FAM163B: variants seen among roughly 807,000 people sequenced by gnomAD.
FAM163B encodes the protein protein FAM163B.
A neutral mutation model predicts 7.6 loss-of-function variants in FAM163B; 4 were observed. The observed-to-expected ratio is 0.52, with a 90% CI of 0.26 to 1.20. FAM163B has a LOEUF of 1.20. Ranked by LOEUF, FAM163B falls within the 50% of genes most tolerant of loss-of-function variation. FAM163B has a pLI of 0.14. For missense variants in FAM163B, 250 were observed against 243.0 expected, an observed-to-expected ratio of 1.03 and a Z score of -0.19; for synonymous variants, 120 against 111.6, an observed-to-expected ratio of 1.07 and a Z score of -0.47.
chr9:133,604,716 G>A (rs1181335439), intron 1 of FAM163B, among the ~76,000 whole-genome samples: 2 of 152,124 alleles, frequency 1.3e-5, no homozygotes, highest in Non-Finnish European at 2.9e-5. Context: ...GTTACAACAG[G>A]TCTGGGGGCC....
chr9:133,583,187 C>T (rs2131220202), intron 1 of FAM163B, among the ~76,000 whole-genome samples: 1 of 152,178 alleles, frequency 6.6e-6, no homozygotes, highest in East Asian at 1.9e-4. Flanking sequence ...CCACCCTCCA[C>T]TACGGGCCAT....
At position 133,600,685 on chromosome 9, in the gene FAM163B, C is replaced by T. The variant is rs145021315; in HGVS notation, c.-24+8392G>A. 5.6e-3 allele frequency among the ~76,000 whole-genome samples: 845 copies of T among 150,402 alleles called. 6 individuals carry two copies. Among genetic ancestry groups the T allele is most frequent in the African/African-American group, 0.019 (788 of 40,572 alleles). ...AGAGGTTGGTCTAAGCTCCTGGAGT[C>T]GCAGGCTCCCAGAATCTTAAAGCCA... On this transcript the variant is annotated intron_variant, in intron 1 of 2. Coordinates refer to ENST00000673969, the MANE Select transcript of FAM163B (RefSeq NM_001080515.3). This position sits in a 1 kb window ranked among gnomAD's most constrained non-coding sequence, Gnocchi z 4.9.
intron 1 of FAM163B, among the ~76,000 whole-genome samples, chr9:133,588,165 C>T (rs556201635): frequency 6.6e-6 from 1 of 152,168 alleles, no homozygotes; most frequent in East Asian, 1.9e-4. Flanking sequence ...AATTGCAGAC[C>T]CTGTTCAAAA....
At chr9:133,607,869 C>T (rs1157203255) in intron 1 of FAM163B, among the ~76,000 whole-genome samples, 1 of 152,288 alleles carries the variant, frequency 6.6e-6, no homozygotes, top group East Asian at 1.9e-4. Flanking sequence ...AGCTTGCAGT[C>T]AGTGCACCAA....
At chr9:133,585,323 A>G (rs1229122895) in intron 1 of FAM163B, among the ~76,000 whole-genome samples, 2 of 150,738 alleles carry the variant, frequency 1.3e-5, no homozygotes, top group East Asian at 3.9e-4. Context: ...CTGGCAGGAG[A>G]CCCCCTGCTA....
chr9:133,596,063 G>A (rs555108769), intron 1 of FAM163B, among the ~76,000 whole-genome samples: 167 of 152,204 alleles, frequency 1.1e-3, no homozygotes, highest in African/African-American at 4.0e-3. Flanking sequence ...GGGTGGGTGT[G>A]GAGGCAGAGT....
intron 1 of FAM163B, among the ~76,000 whole-genome samples, chr9:133,599,772 TTGTC>T (rs757905121): frequency 1.9e-4 from 29 of 148,744 alleles, no homozygotes; most frequent in Middle Eastern, 4.2e-3. Flanking sequence ...AAGTGTGTTT[TTGTC>T]TGTGCGTGTG....
intron 1 of FAM163B, among the ~76,000 whole-genome samples, chr9:133,604,899 C>T (rs1831771304): frequency 6.6e-6 from 1 of 152,240 alleles, no homozygotes; most frequent in Non-Finnish European, 1.5e-5. Flanking sequence ...TCTCCAGAGA[C>T]CCGGGACCTG....
At chr9:133,580,334 T>C in intron 1 of FAM163B, 88 bp from the exon 2 acceptor site, 1 of 1,110,772 alleles carries the variant, frequency 9.0e-7, no homozygotes, top group Non-Finnish European at 1.3e-6. Flanking sequence ...GAAGACAAGC[T>C]GAGGGGAAAA....
intron 1 of FAM163B, among the ~76,000 whole-genome samples, chr9:133,581,305 C>G (rs1213780729): frequency 7.2e-5 from 11 of 152,320 alleles, no homozygotes; most frequent in African/African-American, 2.4e-4. Context: ...AAATTCTTCA[C>G]AATCACCTCT....
Position 133,598,082 on chromosome 9 carries a change from G to A in FAM163B, c.-24+10995C>T, listed in dbSNP as rs547721878. Among the ~76,000 whole-genome samples, 28 of 152,314 alleles carry A rather than the reference G, an allele frequency of 1.8e-4. No individual in the cohort carries two copies. In the South Asian group the frequency reaches 5.2e-3, roughly 28 times the overall value. On this transcript the variant is annotated intron_variant, in intron 1 of 2. Transcript: ENST00000673969. ...TGAGCCATGGTGACAACATCTAAGTGGCCAGTCTGGGGCTCCCTGCTCAGC... is the reference window on the plus strand; with the variant it reads ...TGAGCCATGGTGACAACATCTAAGTAGCCAGTCTGGGGCTCCCTGCTCAGC...
In FAM163B at chr9:133,608,077, G is replaced by T. The variant is rs191283370; in HGVS notation, c.-24+1000C>A. Among the ~76,000 whole-genome samples, 348 of 152,342 alleles carry T rather than the reference G, an allele frequency of 2.3e-3. 2 individuals are homozygous for T. Among genetic ancestry groups the T allele is most frequent in the Admixed American group, 5.1e-3 (78 of 15,308 alleles). On this transcript the variant is annotated intron_variant, in intron 1 of 2. Coordinates refer to ENST00000673969, the MANE Select transcript of FAM163B (RefSeq NM_001080515.3). The stretch of plus-strand genomic sequence containing the variant: ...GCTCTCCCCAGAAGCCCTGAAGAGC[G>T]TGAGTTGGCAGGGGCTGAGGGAAAT...
Position 133,600,923 on chromosome 9 carries a change from G to A in FAM163B, c.-24+8154C>T, listed in dbSNP as rs147601277. On this transcript the variant is annotated intron_variant, in intron 1 of 2. Transcript: ENST00000673969. This position sits in a 1 kb window ranked among gnomAD's most constrained non-coding sequence, Gnocchi z 4.9. ...AACTCTCCCTTGGTAGGGGGTAGGG[G>A]GGGAGCTTCATTGCCTCGAGTTCCT... Among the ~76,000 whole-genome samples, 1 of 152,122 alleles carries A rather than the reference G, an allele frequency of 6.6e-6. No homozygotes were observed. Among genetic ancestry groups the A allele is most frequent in the Non-Finnish European group, 1.5e-5 (1 of 68,010 alleles).
chr9:133,603,843 C>CT (rs1157957530), intron 1 of FAM163B, among the ~76,000 whole-genome samples: 2 of 152,090 alleles, frequency 1.3e-5, no homozygotes, highest in East Asian at 1.9e-4. Flanking sequence ...CTTTTCTTTT[C>CT]TTTTTTTGGG....
At chr9:133,602,156 C>T (rs532597262) in intron 1 of FAM163B, among the ~76,000 whole-genome samples, 116 of 151,914 alleles carry the variant, frequency 7.6e-4, no homozygotes, top group African/African-American at 2.7e-3. Flanking sequence ...CAGCCATGCC[C>T]AAGACCCGCC....
chr9:133,603,647 G>A (rs146630608), intron 1 of FAM163B, among the ~76,000 whole-genome samples: 4 of 152,128 alleles, frequency 2.6e-5, no homozygotes, highest in Non-Finnish European at 5.9e-5. Context: ...ATAGGAGCCC[G>A]CATGTCTGTG....
chr9:133,607,646 G>A (rs79454801), intron 1 of FAM163B, among the ~76,000 whole-genome samples: 2,122 of 152,264 alleles, frequency 0.014, 50 homozygotes, highest in East Asian at 0.11. Flanking sequence ...TAGACAAGCC[G>A]GCCCCATTGG....
Position 133,608,844 on chromosome 9 carries a change from C to A in FAM163B, c.-24+233G>T, listed in dbSNP as rs1181413666. Among the ~76,000 whole-genome samples, 4 of 152,240 alleles carry A rather than the reference C, an allele frequency of 2.6e-5. No individual in the cohort carries two copies. The South Asian group carries it at 6.2e-4, about 24-fold the overall frequency. On this transcript the variant is annotated intron_variant, in intron 1 of 2. Coordinates refer to ENST00000673969, the MANE Select transcript of FAM163B (RefSeq NM_001080515.3). ...AAGCCCCCCTTCCTAAAGTGGGTCC[C>A]CCACCTCTCCCTTAGGCCCTCGTGC... is the stretch of plus-strand genomic sequence containing the variant.
In FAM163B at chr9:133,579,341, T is replaced by A. The variant is rs771135379; in HGVS notation, c.182A>T (p.Asn61Ile). ...VHSHLPPLHSNRNLVLTNGPA... is the reference protein window; with the variant it reads ...VHSHLPPLHSIRNLVLTNGPA... ...CCCGTTGGTCAGCACCAGGTTGCGGTTGGAGTGCAGCGGGGGCAGGTGCGA... is the reference window on the plus strand; with the variant it reads ...CCCGTTGGTCAGCACCAGGTTGCGGATGGAGTGCAGCGGGGGCAGGTGCGA... Residue 61 changes from asparagine (N) to isoleucine (I), a missense_variant, in exon 3 of 3, where the codon AAC becomes ATC. Physicochemically the swap from Asn to Ile is moderately radical, Grantham distance 149. Transcript: ENST00000673969. 1.2e-6 allele frequency: 2 copies of A among 1,613,476 alleles called. No individual in the cohort carries two copies. The highest frequency in any genetic ancestry group is 1.3e-5 in the African/African-American group (1 of 74,998).
Sources: allele counts gnomAD v4.1 joint callset (sites outside exome capture counted in the v4.1 genomes callset), GRCh38; gene constraint gnomAD v4.1.1; non-coding constraint Gnocchi (gnomAD v3.1); transcripts MANE v1.5; gene names NCBI Gene and HGNC (gene_info 2026-07-23, HGNC 2026-07-21).